The following TRIP11 variants were observed in gnomAD, a reference collection of about 807,000 sequenced individuals.
TRIP11 encodes thyroid receptor-interacting protein 11.
TRIP11 carries 148 observed loss-of-function variants against 223.1 expected under a neutral mutation model. That is an observed-to-expected ratio of 0.66 (90% CI 0.58 to 0.76). The LOEUF (loss-of-function observed/expected upper bound fraction) is 0.76, where lower values mean the gene tolerates loss of function less well. TRIP11 is among the 30% of genes least tolerant of loss of function. The pLI, the probability that TRIP11 is intolerant of heterozygous loss-of-function variation, is 0.00. For missense variants in TRIP11, 2,043 were observed against 2,222.0 expected (o/e 0.92, Z 1.62); for synonymous variants, 762 against 772.6 (o/e 0.99, Z 0.23).
rs763782592 is a variant in TRIP11 at position 92,039,678 on chromosome 14, G to A, written c.8C>T (p.Ser3Phe). The A allele has an allele frequency of 1.1e-5, 17 of 1,612,122 alleles. No homozygotes were observed. The highest frequency in any genetic ancestry group is 1.4e-5 in the Non-Finnish European group (17 of 1,179,258). ...TCCGGAGCCGAGGCCCCCAAGCCAG[G>A]ACGACATCGCGGCGAGTTTAGAGAA... MS[S>F]WLGGLGSGLG... The change falls in exon 1 of 21, where the codon TCC becomes TTC. Residue 3 changes from serine (S) to phenylalanine (F), a missense_variant. Coordinates refer to ENST00000267622, the MANE Select transcript of TRIP11 (RefSeq NM_004239.4).
chr14:92,023,413 C>T (rs951333499), intron 3 of TRIP11, among the ~76,000 whole-genome samples: 2 of 152,216 alleles, frequency 1.3e-5, no homozygotes, highest in South Asian at 2.1e-4. Context: ...ACACCTTATA[C>T]CCACAGGTAC....
At chr14:91,989,645 A>G (rs2056648393) in intron 15 of TRIP11, among the ~76,000 whole-genome samples, 1 of 151,672 alleles carries the variant, frequency 6.6e-6, no homozygotes. Context: ...TAGCCTTTTT[A>G]CTGTGTCATC....
chr14:92,039,430 G>C (rs2057359019), intron 1 of TRIP11, 117 bp downstream of exon 1: 5 of 1,101,524 alleles, frequency 4.5e-6, no homozygotes, highest in Non-Finnish European at 6.6e-6. Context: ...GAAGAAAAAA[G>C]GGAGGAGCAG....
intron 10 of TRIP11, among the ~76,000 whole-genome samples, chr14:92,007,373 C>T (rs549427518): frequency 1.4e-4 from 22 of 152,248 alleles, no homozygotes; most frequent in African/African-American, 5.3e-4. Flanking sequence ...CGAACTATAG[C>T]CATTGGCCAA....
chr14:91,967,413 A>G lies in TRIP11; in HGVS notation c.*2260T>C, dbSNP rs535880874. ...CTCACCCTCCCAAAGTTCTGGGATT[A>G]CAGGCGTGAGCCACTGTGCCCGGCC... On this transcript the variant is annotated 3_prime_UTR_variant, in exon 21 of 21. Transcript: ENST00000267622. 2.2e-5 allele frequency: 4 copies of G among 181,758 alleles called. No individual in the cohort carries two copies. The highest frequency in any genetic ancestry group is 9.4e-5 in the African/African-American group (4 of 42,500). The allele number at this position is 181,758 out of a possible 1,614,324, so 11.3% of individuals were successfully genotyped here.
At chr14:92,009,610 G>A (rs1474899933) in intron 9 of TRIP11, among the ~76,000 whole-genome samples, 5 of 152,118 alleles carry the variant, frequency 3.3e-5, no homozygotes, top group African/African-American at 4.8e-5. Flanking sequence ...AAACGACTGG[G>A]AGATACTGCT....
At position 92,005,107 on chromosome 14, in the gene TRIP11, G is replaced by T. The variant is rs1169237646; in HGVS notation, c.2869C>A (p.Leu957Ile). Reference protein sequence around the residue: ...HEQMNATHTQLFLEKDEEIKS... With the variant: ...HEQMNATHTQIFLEKDEEIKS... ...ATTTCCTCATCCTTCTCTAAAAAGA[G>T]CTGGGTGTGTGTGGCGTTCATTTGC... Residue 957 changes from leucine to isoleucine, a missense_variant, in exon 11 of 21, where the codon CTC (leucine) becomes ATC (isoleucine). By Grantham distance (5) the Leu-to-Ile change is conservative. Transcript: ENST00000267622. 6.2e-7 allele frequency: 1 copy of T among 1,613,664 alleles called. No homozygotes were observed. Among genetic ancestry groups the T allele is most frequent in the Non-Finnish European group, 8.5e-7 (1 of 1,180,024 alleles).
At chr14:92,000,247 G>C (rs1314887196) in intron 11 of TRIP11, 139 bp from the exon 12 acceptor site, 1 of 1,371,682 alleles carries the variant, frequency 7.3e-7, no homozygotes, top group Non-Finnish European at 9.9e-7. Context: ...AGTAGGCTCA[G>C]AGAGACTCCT....
At chr14:92,017,585 G>A (rs1341652033) in intron 5 of TRIP11, 97 bp downstream of exon 5, 1 of 915,978 alleles carries the variant, frequency 1.1e-6, no homozygotes, top group Non-Finnish European at 1.7e-6. Flanking sequence ...TAATGATAAT[G>A]ACTTTTATAA....
intron 13 of TRIP11, among the ~76,000 whole-genome samples, chr14:91,997,308 T>C (rs1173601570): frequency 6.6e-6 from 1 of 152,146 alleles, no homozygotes; most frequent in South Asian, 2.1e-4. Flanking sequence ...GCTATTAAAC[T>C]CTGTGTAATA....
chr14:92,009,065 T>A (rs148089086), intron 9 of TRIP11, among the ~76,000 whole-genome samples: 1 of 152,330 alleles, frequency 6.6e-6, no homozygotes, highest in African/African-American at 2.4e-5. Context: ...TTATTCTAAC[T>A]ACAGCTGAAA....
chr14:92,034,675 C>A (rs1390506215), intron 1 of TRIP11, among the ~76,000 whole-genome samples: 1 of 152,172 alleles, frequency 6.6e-6, no homozygotes, highest in African/African-American at 2.4e-5. Context: ...GAAAGGGTCT[C>A]ACTTCACTCT....
chr14:92,008,418 T>C (rs1319171536), intron 9 of TRIP11, among the ~76,000 whole-genome samples: 1 of 152,242 alleles, frequency 6.6e-6, no homozygotes, highest in Non-Finnish European at 1.5e-5. Flanking sequence ...TGTTAGAACA[T>C]GGAACTTTTT....
Position 92,039,714 on chromosome 14 carries a change from C to T in TRIP11, c.-29G>A, listed in dbSNP as rs746388190. On this transcript the variant is annotated 5_prime_UTR_variant, in exon 1 of 21. Transcript: ENST00000267622. ...GGCGAGTTTAGAGAACGACCCGGTC[C>T]GCTCGGAAAAAAGAAAACGTTTAGC... is the stretch of plus-strand genomic sequence containing the variant. The T allele has an allele frequency of 9.4e-6, 15 of 1,603,918 alleles. No individual in the cohort carries two copies. The highest frequency in any genetic ancestry group is 1.2e-5 in the Non-Finnish European group (14 of 1,175,296).
intron 1 of TRIP11, among the ~76,000 whole-genome samples, chr14:92,035,374 G>C (rs865960426): frequency 2.6e-5 from 4 of 151,432 alleles, no homozygotes; most frequent in African/African-American, 4.8e-5. Flanking sequence ...TTTTTTCTAA[G>C]TACTAGTATT....
chr14:91,975,265 G>A lies in TRIP11; in HGVS notation c.5364C>T (p.Phe1788=). The A allele has an allele frequency of 6.2e-7, 1 of 1,613,412 alleles. No individual in the cohort carries two copies. The highest frequency in any genetic ancestry group is 8.5e-7 in the Non-Finnish European group (1 of 1,179,554). ...TTTTCGGTGTGTGGAAATGACCAAT[G>A]AAGAGGTTTCTCATTAGGACTCTAT... is the stretch of plus-strand genomic sequence containing the variant. ...KVDKVLMRNL[F]IGHFHTPKNQ... The change falls in exon 18 of 21, where the codon TTC becomes TTT. Residue 1788 remains phenylalanine, a synonymous_variant. Transcript: ENST00000267622.
intron 9 of TRIP11, 41 bp from the exon 10 acceptor site, chr14:92,007,893 T>C (rs2056925544): frequency 6.7e-7 from 1 of 1,491,856 alleles, no homozygotes; most frequent in Non-Finnish European, 9.2e-7. Flanking sequence ...TACTTTCAAT[T>C]GGAGACACCA....
intron 16 of TRIP11, among the ~76,000 whole-genome samples, chr14:91,981,938 A>T (rs920088060): frequency 2.0e-5 from 3 of 151,720 alleles, no homozygotes; most frequent in African/African-American, 7.3e-5. Context: ...AACATAGACA[A>T]ACCGTCTCCA....
intron 15 of TRIP11, among the ~76,000 whole-genome samples, chr14:91,992,079 CAAAAAAAAAAAAA>C (rs3031548): frequency 5.0e-5 from 3 of 59,726 alleles, no homozygotes; most frequent in South Asian, 8.9e-4. Flanking sequence ...AACGCCGTCT[CAAAAAAAAAAAAA>C]AAAAAAAAAA....
Sources: allele counts gnomAD v4.1 joint callset (sites outside exome capture counted in the v4.1 genomes callset), GRCh38; gene constraint gnomAD v4.1.1; transcripts MANE v1.5; gene names NCBI Gene and HGNC (gene_info 2026-07-23, HGNC 2026-07-21).